Variants in PHF21B observed in about 807,000 individuals in gnomAD.
PHF21B encodes PHD finger protein 4.
A neutral mutation model predicts 62.2 loss-of-function variants in PHF21B; 22 were observed. The ratio of observed to expected loss-of-function variants is 0.35; its 90% CI spans 0.25 to 0.51. The LOEUF is 0.51. PHF21B is among the 20% of genes least tolerant of loss of function. The pLI, the probability that PHF21B is intolerant of heterozygous loss-of-function variation, is 0.97. For synonymous variants in PHF21B, 341 were observed against 314.7 expected (o/e 1.08, Z -0.88); for missense variants, 701 against 707.9 (o/e 0.99, Z 0.11).
intron 2 of PHF21B, among the ~76,000 whole-genome samples, chr22:44,978,844 G>A (rs945824437): frequency 3.3e-5 from 5 of 152,250 alleles, no homozygotes; most frequent in Non-Finnish European, 7.3e-5. Flanking sequence ...AGGAACAAAG[G>A]ATGTGTCCAC....
Position 44,931,932 on chromosome 22 carries a change from G to A in PHF21B, c.121-11442C>T, listed in dbSNP as rs1274425367. ...TCTCAGAGAAGGACTGGCACAGCCA[G>A]CAGCCTGCTGGGAATGTCCAAAATC... On this transcript the variant is annotated intron_variant, in intron 2 of 12. Coordinates refer to ENST00000313237, the MANE Select transcript of PHF21B (RefSeq NM_138415.5). 5.3e-5 allele frequency among the ~76,000 whole-genome samples: 8 copies of A among 152,328 alleles called. No homozygotes were observed. The East Asian group carries it at 1.5e-3, about 29-fold the overall frequency.
At position 44,917,110 on chromosome 22, in the gene PHF21B, C is replaced by T. The variant is rs144116849; in HGVS notation, c.214-480G>A. Among the ~76,000 whole-genome samples the T allele has an allele frequency of 6.3e-3, 957 of 152,334 alleles. 8 individuals carry two copies. Among genetic ancestry groups the T allele is most frequent in the Admixed American group, 0.017 (264 of 15,306 alleles). ...TGGGTGGGGGCTGCTGCTGCGCTCC[C>T]GTGAAAACCAGAGCTGAGCCCGCGT... On this transcript the variant is annotated intron_variant, in intron 3 of 12. Coordinates refer to ENST00000313237, the MANE Select transcript of PHF21B (RefSeq NM_138415.5).
chr22:44,993,216 A>C (rs973269331), intron 2 of PHF21B, among the ~76,000 whole-genome samples: 4 of 152,190 alleles, frequency 2.6e-5, no homozygotes, highest in African/African-American at 9.7e-5. Context: ...GCTGGGATAC[A>C]GTTTAACATA....
In PHF21B at chr22:44,935,389, C is replaced by T. The variant is rs560488519; in HGVS notation, c.121-14899G>A. ...CAGCACTTTGCGAGGCTGAGACGGG[C>T]GGATCACGAGGTCAGGAGATCGAGA... On this transcript the variant is annotated intron_variant, in intron 2 of 12. Coordinates refer to ENST00000313237, the MANE Select transcript of PHF21B (RefSeq NM_138415.5). 1.2e-4 allele frequency among the ~76,000 whole-genome samples: 19 copies of T among 152,006 alleles called. No individual in the cohort carries two copies. In the South Asian group the frequency reaches 1.3e-3, roughly 10 times the overall value.
At chr22:44,932,865 G>A (rs1432788755) in intron 2 of PHF21B, among the ~76,000 whole-genome samples, 4 of 152,240 alleles carry the variant, frequency 2.6e-5, no homozygotes, top group Non-Finnish European at 5.9e-5. Flanking sequence ...TACTTCCAGT[G>A]AATGGCACAG....
chr22:44,889,689 G>A, intron 9 of PHF21B, 71 bp downstream of exon 9: 2 of 1,523,286 alleles, frequency 1.3e-6, no homozygotes, highest in Non-Finnish European at 1.8e-6. Context: ...TTCCAGGAGG[G>A]ACCCTATGAG....
chr22:45,008,743 G>C (rs1363358225), intron 1 of PHF21B, 133 bp from the exon 2 acceptor site: 1 of 1,152,090 alleles, frequency 8.7e-7, no homozygotes, highest in South Asian at 4.2e-5. Flanking sequence ...AGTTTCCCGG[G>C]CCGCGTCCTG....
rs537212843 is a variant in PHF21B, at chr22:44,959,111, T to G, written c.121-38621A>C. ...TGCTTCCTGCATGGCCTCCTCTCCC[T>G]CTCAGATCCGGTTTCTGTTTTGGTC... On this transcript the variant is annotated intron_variant, in intron 2 of 12. Coordinates refer to ENST00000313237, the MANE Select transcript of PHF21B (RefSeq NM_138415.5). Among the ~76,000 whole-genome samples the G allele has an allele frequency of 2.6e-5, 4 of 152,292 alleles. No individual in the cohort carries two copies. In the East Asian group the frequency reaches 7.7e-4, roughly 29 times the overall value.
At chr22:44,896,500 G>T (rs920936129) in intron 5 of PHF21B, among the ~76,000 whole-genome samples, 2 of 152,200 alleles carry the variant, frequency 1.3e-5, no homozygotes, top group African/African-American at 2.4e-5. Context: ...CTGGATACAC[G>T]TATTCAAATA....
chr22:44,884,071 T>TCAG (rs1340317438), intron 12 of PHF21B, among the ~76,000 whole-genome samples: 2 of 121,582 alleles, frequency 1.6e-5, no homozygotes, highest in African/African-American at 2.9e-5. Flanking sequence ...ACCACCATGA[T>TCAG]CACCATTATC....
At chr22:45,008,965 C>A (rs541539986) in intron 1 of PHF21B, 1 of 1,077,910 alleles carries the variant, frequency 9.3e-7, no homozygotes, top group Non-Finnish European at 1.1e-6. Context: ...GTAAACACGG[C>A]GAGTCCGTGT....
In PHF21B at chr22:45,008,590, C is replaced by T. The variant is rs2073369176; in HGVS notation, c.75G>A (p.Gln25=). 1 of 1,590,530 alleles carries T rather than the reference C, an allele frequency of 6.3e-7. No individual in the cohort carries two copies. Among genetic ancestry groups the T allele is most frequent in the Non-Finnish European group, 8.6e-7 (1 of 1,169,272 alleles). Residue 25 remains glutamine, a synonymous_variant, in exon 2 of 13, where the codon CAG becomes CAA. Coordinates refer to ENST00000313237, the MANE Select transcript of PHF21B (RefSeq NM_138415.5). Reference sequence around the variant, plus strand: ...CGATCCGCGGCTGCCTTTCGTGGAGCTGCTTCTTGAGGTCGCCGTTCTGCG... The same window carrying T: ...CGATCCGCGGCTGCCTTTCGTGGAGTTGCTTCTTGAGGTCGCCGTTCTGCG... The part of the protein sequence containing the change: ...ARHQNGDLKK[Q]LHERQPRIAA...
intron 10 of PHF21B, 52 bp from the exon 11 acceptor site, chr22:44,885,990 G>A: frequency 1.9e-6 from 3 of 1,560,490 alleles, no homozygotes; most frequent in Non-Finnish European, 2.6e-6. Context: ...GGACCTGCTG[G>A]GACTGTCCAC....
At chr22:44,919,912 C>T (rs984675814) in intron 3 of PHF21B, among the ~76,000 whole-genome samples, 11 of 152,338 alleles carry the variant, frequency 7.2e-5, no homozygotes, top group Non-Finnish European at 1.2e-4. Context: ...TGGGGCAAAG[C>T]GTGGAGTCCA....
chr22:44,886,417 A>G (rs1176956424), intron 10 of PHF21B, among the ~76,000 whole-genome samples: 1 of 116,508 alleles, frequency 8.6e-6, no homozygotes, highest in Non-Finnish European at 1.8e-5. Flanking sequence ...AAAAAAAAAA[A>G]AAAGCTGGGC....
chr22:44,885,110 G>C (rs556108140), intron 12 of PHF21B, among the ~76,000 whole-genome samples: 228 of 152,348 alleles, frequency 1.5e-3, no homozygotes, highest in South Asian at 0.01. Context: ...GGCTTGCTGG[G>C]GGATGCTTGG....
intron 2 of PHF21B, among the ~76,000 whole-genome samples, chr22:44,947,455 C>T (rs901696554): frequency 6.6e-6 from 1 of 152,222 alleles, no homozygotes; most frequent in African/African-American, 2.4e-5. Context: ...AGCCCCCTGC[C>T]CTATAGAACC....
chr22:44,983,881 G>A (rs1231429775), intron 2 of PHF21B, among the ~76,000 whole-genome samples: 1 of 151,898 alleles, frequency 6.6e-6, no homozygotes, highest in African/African-American at 2.4e-5. Flanking sequence ...CCATTTTGCA[G>A]GTGGGAAAAG....
Position 44,885,527 on chromosome 22 carries a change from T to C in PHF21B, c.1276A>G (p.Lys426Glu). ...AGCAGCTTCTGCTTCTCCTCTTCTT[T>C]GACTAGAAAAGAGAAGGCCAGGTCC... The part of the protein sequence containing the change: ...VHSYVTHKTV[K>E]EEEKQKLLQR... Residue 426 changes from lysine (K) to glutamate (E), a missense_variant and splice_region_variant, in exon 12 of 13, where the codon AAA (lysine) becomes GAA (glutamate). Transcript: ENST00000313237. The C allele has an allele frequency of 6.3e-7, 1 of 1,590,604 alleles. No individual in the cohort carries two copies.
Sources: allele counts gnomAD v4.1 joint callset (sites outside exome capture counted in the v4.1 genomes callset), GRCh38; gene constraint gnomAD v4.1.1; transcripts MANE v1.5; gene names NCBI Gene and HGNC (gene_info 2026-07-23, HGNC 2026-07-21).